OS9: variants seen among roughly 807,000 people sequenced by gnomAD.
The protein encoded by OS9 is OS9 endoplasmic reticulum lectin.
In OS9, 58 loss-of-function variants were observed where a neutral mutation model predicts 84.7. That is an observed-to-expected ratio of 0.68 (90% confidence interval 0.55 to 0.85). The LOEUF (loss-of-function observed/expected upper bound fraction) is 0.85. Among genes scored for constraint, OS9 ranks in the 40% least tolerant of loss-of-function variants. OS9 has a pLI of 0.00. For missense variants in OS9, 760 were observed against 850.9 expected (o/e 0.89, Z 1.33); for synonymous variants, 278 against 320.8 (o/e 0.87, Z 1.43).
At chr12:57,703,215 C>T (rs777135954) in intron 5 of OS9, among the ~76,000 whole-genome samples, 12 of 152,044 alleles carry the variant, frequency 7.9e-5, no homozygotes, top group Non-Finnish European at 1.3e-4. Flanking sequence ...TTTTGATTTC[C>T]AAGAGTTTTA....
chr12:57,718,512 G>T, intron 11 of OS9, 91 bp downstream of exon 11: 1 of 1,401,902 alleles, frequency 7.1e-7, no homozygotes, highest in South Asian at 1.3e-5. Flanking sequence ...AGAGGGCACA[G>T]CACAGGGCAA....
At chr12:57,695,916 T>TC in intron 3 of OS9, 46 bp from the exon 4 acceptor site, 1 of 1,573,960 alleles carries the variant, frequency 6.4e-7, no homozygotes, top group African/African-American at 1.3e-5. Context: ...CTCCTCCTCC[T>TC]CCTCCTCTTA....
At chr12:57,696,921 T>C (rs971234909) in intron 5 of OS9, among the ~76,000 whole-genome samples, 20 of 152,154 alleles carry the variant, frequency 1.3e-4, no homozygotes, top group Non-Finnish European at 2.9e-4. Flanking sequence ...GTACCTTCAC[T>C]CTCGCCTGCA....
rs896387296 is a variant in OS9, at chr12:57,718,091, C to T, written c.1135-55C>T. The stretch of plus-strand genomic sequence containing the variant: ...CTGCTACTGTTTGTCTGCCCCCGAC[C>T]ATGTGTCTCTGTTGAAACCCCAACT... On this transcript the variant is annotated intron_variant, in intron 10 of 14. Coordinates refer to ENST00000315970, the MANE Select transcript of OS9 (RefSeq NM_006812.4). 46 of 1,578,646 alleles carry T rather than the reference C, an allele frequency of 2.9e-5. 1 individual carries two copies. Among genetic ancestry groups the T allele is most frequent in the Non-Finnish European group, 8.6e-6 (10 of 1,156,584 alleles).
Position 57,716,148 on chromosome 12 carries a change from G to A in OS9, c.847G>A (p.Val283Met), listed in dbSNP as rs1954484856. 1.2e-6 allele frequency: 2 copies of A among 1,613,222 alleles called. No homozygotes were observed. The highest frequency in any genetic ancestry group is 4.5e-5 in the East Asian group (2 of 44,880). The change falls in exon 7 of 15, where the codon GTG (valine) becomes ATG (methionine). Residue 283 changes from valine (V) to methionine (M), a missense_variant. Transcript: ENST00000315970. ...IEELQDLGPQ[V>M]WSETKSGVAP... Reference sequence around the variant, plus strand: ...GGAGCTGCAAGATCTAGGCCCCCAAGTGTGGAGTGAGACCAAGTCTGGGGT... The same window carrying A: ...GGAGCTGCAAGATCTAGGCCCCCAAATGTGGAGTGAGACCAAGTCTGGGGT...
At chr12:57,720,347 G>T in intron 13 of OS9, 59 bp from the exon 14 acceptor site, 3 of 1,589,034 alleles carry the variant, frequency 1.9e-6, no homozygotes, top group Non-Finnish European at 2.6e-6. Context: ...GTGGGGCAGG[G>T]GGCCTGCCCT....
chr12:57,697,908 A>AACAAAC (rs1953900701), intron 5 of OS9, among the ~76,000 whole-genome samples: 1 of 75,164 alleles, frequency 1.3e-5, no homozygotes, highest in African/African-American at 5.2e-5. Context: ...AACATAAGCA[A>AACAAAC]ACACACACAC....
chr12:57,720,558 C>T (rs1565784517), intron 14 of OS9, 40 bp downstream of exon 14: 2 of 1,468,992 alleles, frequency 1.4e-6, no homozygotes, highest in Non-Finnish European at 1.9e-6. Context: ...CCCCAGCCCT[C>T]CTGGAGTGGA....
chr12:57,695,808 G>T lies in OS9; in HGVS notation c.368G>T (p.Cys123Phe). ...KTKDWWTYEFCYGRHIQQYHM... is the reference protein window; with the variant it reads ...KTKDWWTYEFFYGRHIQQYHM... Reference sequence around the variant, plus strand: ...AAGGACTGGTGGACATATGAATTCTGTTATGGACGCCACATCCAGCAATAC... The same window carrying T: ...AAGGACTGGTGGACATATGAATTCTTTTATGGACGCCACATCCAGCAATAC... The change falls in exon 3 of 15, where the codon TGT becomes TTT. Residue 123 changes from cysteine (C) to phenylalanine (F), a missense_variant. Physicochemically the swap from Cys to Phe is radical, Grantham distance 205 (BLOSUM62 -2). Coordinates refer to ENST00000315970, the MANE Select transcript of OS9 (RefSeq NM_006812.4). 1 of 1,612,060 alleles carries T rather than the reference G, an allele frequency of 6.2e-7. No individual in the cohort carries two copies. The highest frequency in any genetic ancestry group is 8.5e-7 in the Non-Finnish European group (1 of 1,178,146).
rs372364635 is a variant in OS9 at position 57,719,110 on chromosome 12, C to T, written c.1528C>T (p.Pro510Ser). The change falls in exon 12 of 15, where the codon CCA becomes TCA. Residue 510 changes from proline (P) to serine (S), a missense_variant. Physicochemically the swap from Pro to Ser is moderately conservative, Grantham distance 74. Coordinates refer to ENST00000315970, the MANE Select transcript of OS9 (RefSeq NM_006812.4). Reference sequence around the variant, plus strand: ...CAAAAGACTGGAGGAAAAACAGAGTCCAGAGCTGGTGAAGAAGCACAAGAA... The same window carrying T: ...CAAAAGACTGGAGGAAAAACAGAGTTCAGAGCTGGTGAAGAAGCACAAGAA... ...LIKRLEEKQSPELVKKHKKKR... is the reference protein window; with the variant it reads ...LIKRLEEKQSSELVKKHKKKR... 4.6e-5 allele frequency: 75 copies of T among 1,614,012 alleles called. No individual in the cohort carries two copies. Among genetic ancestry groups the T allele is most frequent in the Non-Finnish European group, 6.3e-5 (74 of 1,180,034 alleles).
intron 5 of OS9, among the ~76,000 whole-genome samples, chr12:57,698,419 C>T (rs1053144456): frequency 2.0e-5 from 3 of 152,198 alleles, no homozygotes; most frequent in African/African-American, 7.2e-5. Context: ...CTGTGCCAAG[C>T]ACTAATAGAA....
At position 57,718,316 on chromosome 12, in the gene OS9, A is replaced by T; in HGVS notation, c.1305A>T (p.Glu435Asp). 1 of 1,614,200 alleles carries T rather than the reference A, an allele frequency of 6.2e-7. No homozygotes were observed. Among genetic ancestry groups the T allele is most frequent in the Non-Finnish European group, 8.5e-7 (1 of 1,180,034 alleles). ...EDEDERQLLG[E>D]FEKELEGILL... ...AGGATGAACGGCAGTTACTGGGAGA[A>T]TTTGAGAAGGAACTGGAAGGGATCC... is the stretch of plus-strand genomic sequence containing the variant. Residue 435 changes from glutamate to aspartate, a missense_variant, in exon 11 of 15, where the codon GAA (glutamate) becomes GAT (aspartate). Glu to Asp is a conservative substitution (Grantham distance 45). Transcript: ENST00000315970.
rs199731779 is a variant in OS9 at position 57,715,778 on chromosome 12, G to A, written c.598G>A (p.Ala200Thr). The part of the protein sequence containing the change: ...AEVRFLCDEG[A>T]GISGDYIDRV... ...CTGGCAGTTCCTCTGTGACGAGGGT[G>A]CAGGTATCTCTGGGGACTACATCGA... The change falls in exon 6 of 15, where the codon GCA becomes ACA. Residue 200 changes from alanine to threonine, a missense_variant. Coordinates refer to ENST00000315970, the MANE Select transcript of OS9 (RefSeq NM_006812.4). 21 of 1,610,056 alleles carry A rather than the reference G, an allele frequency of 1.3e-5. No homozygotes were observed. The African/African-American group carries it at 2.4e-4, about 18-fold the overall frequency.
rs1953777311 is a variant in OS9, at chr12:57,694,824, T to A, written c.237T>A (p.Ala79=). ...QRYECRLPAG[A]IHFQREREEE... The stretch of plus-strand genomic sequence containing the variant: ...ATGAGTGTCGCCTGCCAGCTGGAGC[T>A]ATTCACTTCCAGCGTGAAAGGGAGG... Residue 79 remains alanine (A), a synonymous_variant, in exon 2 of 15, where the codon GCT becomes GCA. Transcript: ENST00000315970. 3 of 1,613,990 alleles carry A rather than the reference T, an allele frequency of 1.9e-6. No homozygotes were observed. Among genetic ancestry groups the A allele is most frequent in the Admixed American group, 1.7e-5 (1 of 59,996 alleles).
At position 57,720,772 on chromosome 12, in the gene OS9, C is replaced by A; in HGVS notation, c.1879-12C>A. On this transcript the variant is annotated splice_polypyrimidine_tract_variant and intron_variant, in intron 14 of 14. Coordinates refer to ENST00000315970, the MANE Select transcript of OS9 (RefSeq NM_006812.4). The stretch of plus-strand genomic sequence containing the variant: ...CCAGTAGCTCCAGCCCACCTCTACC[C>A]TCTCCCACCAGGTGCCGGGAGCTGA... 6.3e-7 allele frequency: 1 copy of A among 1,596,366 alleles called. No individual in the cohort carries two copies. Among genetic ancestry groups the A allele is most frequent in the Admixed American group, 1.7e-5 (1 of 58,582 alleles).
rs1954635943 is a variant in OS9, at chr12:57,720,260, G to A, written c.1762G>A (p.Ala588Thr). The change falls in exon 13 of 15, where the codon GCA (alanine) becomes ACA (threonine). Residue 588 changes from alanine to threonine, a missense_variant. Transcript: ENST00000315970. ...ELLEREGLTA[A>T]GKIEIKIVRP... ...GCTGGAGAGGGAGGGACTCACAGCT[G>A]CAGGTGGGCCCTGGAGGGCGGCTGG... 1.2e-6 allele frequency: 2 copies of A among 1,613,884 alleles called. No individual in the cohort carries two copies. Among genetic ancestry groups the A allele is most frequent in the South Asian group, 1.1e-5 (1 of 91,082 alleles).
rs1437124591 is a variant in OS9, at chr12:57,694,285, G to A, written c.124G>A (p.Gly42Arg). ...NLEELSEMRY[G>R]IEILPLPVMG... is the part of the protein sequence containing the mutation. ...GGAGGAGCTGAGTGAGATGCGTTAT[G>A]GGATCGAGATCCTGCCGTTGCCTGT... Residue 42 changes from glycine (G) to arginine (R), a missense_variant, in exon 1 of 15, where the codon GGG (glycine) becomes AGG (arginine). Transcript: ENST00000315970. The A allele has an allele frequency of 6.2e-7, 1 of 1,614,058 alleles. No individual in the cohort carries two copies. Among genetic ancestry groups the A allele is most frequent in the Non-Finnish European group, 8.5e-7 (1 of 1,180,044 alleles).
In OS9 at chr12:57,715,757, C is replaced by T. The variant is rs765723289; in HGVS notation, c.580-3C>T. 1.4e-5 allele frequency: 22 copies of T among 1,594,182 alleles called. No individual in the cohort carries two copies. Among genetic ancestry groups the T allele is most frequent in the East Asian group, 2.2e-5 (1 of 44,662 alleles). On this transcript the variant is annotated splice_region_variant and splice_polypyrimidine_tract_variant and intron_variant, in intron 5 of 14. Coordinates refer to ENST00000315970, the MANE Select transcript of OS9 (RefSeq NM_006812.4). Reference sequence around the variant, plus strand: ...AGTGTATTCATCCTTTCTGTCCTGGCAGTTCCTCTGTGACGAGGGTGCAGG... The same window carrying T: ...AGTGTATTCATCCTTTCTGTCCTGGTAGTTCCTCTGTGACGAGGGTGCAGG...
intron 5 of OS9, among the ~76,000 whole-genome samples, chr12:57,709,775 ATGT>A (rs1381270975): frequency 6.6e-6 from 1 of 151,848 alleles, no homozygotes; most frequent in African/African-American, 2.4e-5. Flanking sequence ...AGGTTTTCTA[ATGT>A]TGCACCAACT....
Sources: gnomAD v4.1 joint callset for allele counts (sites outside exome capture counted in the v4.1 genomes callset) on GRCh38, gnomAD v4.1.1 for gene constraint, MANE v1.5 for transcripts, NCBI Gene and HGNC (gene_info 2026-07-23, HGNC 2026-07-21) for gene names.